SPA17: variants seen among roughly 807,000 people sequenced by gnomAD.
The protein encoded by SPA17 is sperm surface protein Sp17.
In SPA17, 7 loss-of-function variants were observed where a neutral mutation model predicts 13.8. That is an observed-to-expected ratio of 0.51 (90% CI 0.29 to 0.95). The LOEUF (loss-of-function observed/expected upper bound fraction) is 0.95, where lower values mean the gene tolerates loss of function less well. SPA17 is among the 40% of genes least tolerant of loss of function. The pLI is 0.08. For missense variants in SPA17, 170 were observed against 179.3 expected (o/e 0.95, Z 0.30); for synonymous variants, 61 against 59.0 (o/e 1.03, Z -0.16).
Position 124,694,675 on chromosome 11 carries a change from A to G in SPA17, c.*229A>G, listed in dbSNP as rs985677280. Reference sequence around the variant, plus strand: ...GTTTACACTTGTCTCAAGCCTATCTATAGAGACCCTTGGATTTAGAATTAT... The same window carrying G: ...GTTTACACTTGTCTCAAGCCTATCTGTAGAGACCCTTGGATTTAGAATTAT... On this transcript the variant is annotated 3_prime_UTR_variant, in exon 5 of 5. Transcript: ENST00000227135. 13 of 445,784 alleles carry G rather than the reference A, an allele frequency of 2.9e-5. No homozygotes were observed. Among genetic ancestry groups the G allele is most frequent in the Admixed American group, 4.2e-5 (1 of 24,038 alleles). The allele number at this position is 445,784 out of a possible 1,614,324, so 27.6% of individuals were successfully genotyped here.
rs1193362274 is a variant in SPA17 at position 124,696,090 on chromosome 11, C to T, written c.*1644C>T. On this transcript the variant is annotated 3_prime_UTR_variant, in exon 5 of 5. Transcript: ENST00000227135. Reference sequence around the variant, plus strand: ...CAGGCAGCCTTTCTCCTTCCAAAATCTTGCTGCCACTGTAGAGAGTTTCAT... The same window carrying T: ...CAGGCAGCCTTTCTCCTTCCAAAATTTTGCTGCCACTGTAGAGAGTTTCAT... The T allele has an allele frequency of 6.6e-6, 1 of 152,246 alleles. No homozygotes were observed. Among genetic ancestry groups the T allele is most frequent in the Non-Finnish European group, 1.5e-5 (1 of 68,066 alleles). 9.4% of individuals were successfully genotyped at this position (152,246 alleles called of 1,614,324 possible). A position where few individuals can be genotyped will look rare whatever the true frequency, so the allele number is the denominator to read the frequency against.
intron 2 of SPA17, among the ~76,000 whole-genome samples, chr11:124,681,109 C>T (rs1943524829): frequency 6.6e-6 from 1 of 151,982 alleles, no homozygotes; most frequent in African/African-American, 2.4e-5. Flanking sequence ...GGCATTTGTT[C>T]TTTTTCCCAT....
intron 3 of SPA17, among the ~76,000 whole-genome samples, chr11:124,686,405 T>C (rs1287861906): frequency 6.6e-6 from 1 of 152,184 alleles, no homozygotes; most frequent in Non-Finnish European, 1.5e-5. Context: ...ACTGATACAA[T>C]AGCATTGGAC....
intron 2 of SPA17, among the ~76,000 whole-genome samples, chr11:124,678,140 TG>T (rs1267743432): frequency 6.6e-6 from 1 of 152,242 alleles, no homozygotes; most frequent in Non-Finnish European, 1.5e-5. Context: ...CATCATTCTT[TG>T]TAGAAACAAC....
At chr11:124,691,527 TTTC>T (rs1206788303) in intron 3 of SPA17, among the ~76,000 whole-genome samples, 166 bp from the exon 4 acceptor site, 1 of 152,240 alleles carries the variant, frequency 6.6e-6, no homozygotes, top group Non-Finnish European at 1.5e-5. Flanking sequence ...GCTTTTATTA[TTTC>T]TTCTTGTTTC....
chr11:124,693,124 G>A (rs1943638946), intron 4 of SPA17, among the ~76,000 whole-genome samples: 1 of 152,194 alleles, frequency 6.6e-6, no homozygotes, highest in Admixed American at 6.5e-5. Flanking sequence ...AGGTTTTCAT[G>A]AGTTTGAGTA....
intron 3 of SPA17, among the ~76,000 whole-genome samples, chr11:124,685,810 G>A (rs994695952): frequency 1.3e-5 from 2 of 152,080 alleles, no homozygotes; most frequent in African/African-American, 2.4e-5. Context: ...GACTTACATG[G>A]GGCCTGTAGC....
chr11:124,681,900 C>T (rs984693794), intron 3 of SPA17, among the ~76,000 whole-genome samples: 4 of 152,064 alleles, frequency 2.6e-5, no homozygotes, highest in Admixed American at 6.5e-5. Context: ...GATGATATTT[C>T]GTAGACCAAA....
At chr11:124,684,796 C>T (rs538133342) in intron 3 of SPA17, among the ~76,000 whole-genome samples, 2 of 152,294 alleles carry the variant, frequency 1.3e-5, no homozygotes, top group South Asian at 2.1e-4. Context: ...AGATGAGGAA[C>T]TTGTTGAGAA....
intron 3 of SPA17, among the ~76,000 whole-genome samples, chr11:124,682,549 A>G (rs140335412): frequency 0.013 from 2,010 of 152,250 alleles, 25 homozygotes; most frequent in Non-Finnish European, 0.02. Context: ...TTTTATTTTT[A>G]AAAAAACCCT....
chr11:124,695,496 T>A lies in SPA17; in HGVS notation c.*1050T>A, dbSNP rs539900273. 4.2e-4 allele frequency: 64 copies of A among 152,302 alleles called. 1 individual carries two copies. Among genetic ancestry groups the A allele is most frequent in the African/African-American group, 1.5e-3 (63 of 41,562 alleles). 9.4% of individuals were successfully genotyped at this position (152,302 alleles called of 1,614,324 possible). A position where few individuals can be genotyped will look rare whatever the true frequency, so the allele number is the denominator to read the frequency against. ...TGCCTTAGTTTTAGAAAGTTCCGTC[T>A]CTCCTTTTTGAGGCCTCTCCACCCT... is the stretch of plus-strand genomic sequence containing the variant. On this transcript the variant is annotated 3_prime_UTR_variant, in exon 5 of 5. Coordinates refer to ENST00000227135, the MANE Select transcript of SPA17 (RefSeq NM_017425.4).
intron 4 of SPA17, 28 bp from the exon 5 acceptor site, chr11:124,694,275 T>C (rs766219072): frequency 6.2e-7 from 1 of 1,600,298 alleles, no homozygotes; most frequent in East Asian, 2.2e-5. Context: ...ATTTAAAGAG[T>C]CTCTTACTTT....
At chr11:124,675,439 C>A in intron 2 of SPA17, 21 bp downstream of exon 2, 2 of 1,599,952 alleles carry the variant, frequency 1.3e-6, no homozygotes, top group South Asian at 2.3e-5. Flanking sequence ...TAAAATTAGT[C>A]ATTTTTTAAA....
At chr11:124,693,017 A>C (rs1176557464) in intron 4 of SPA17, among the ~76,000 whole-genome samples, 2 of 152,208 alleles carry the variant, frequency 1.3e-5, no homozygotes, top group African/African-American at 4.8e-5. Flanking sequence ...ATAACATTAC[A>C]TTAGGATATA....
rs1386493025 is a variant in SPA17, at chr11:124,695,418, A to C, written c.*972A>C. On this transcript the variant is annotated 3_prime_UTR_variant, in exon 5 of 5. Coordinates refer to ENST00000227135, the MANE Select transcript of SPA17 (RefSeq NM_017425.4). Reference sequence around the variant, plus strand: ...ATACAATGGTAATGCCTGTTTAACAAACTCAGAGGCTTTATCTCTTTTATG... The same window carrying C: ...ATACAATGGTAATGCCTGTTTAACACACTCAGAGGCTTTATCTCTTTTATG... 3.9e-5 allele frequency: 6 copies of C among 152,212 alleles called. No individual in the cohort carries two copies. The highest frequency in any genetic ancestry group is 8.8e-5 in the Non-Finnish European group (6 of 68,034). The allele number at this position is 152,212 out of a possible 1,614,324, so 9.4% of individuals were successfully genotyped here.
Position 124,696,902 on chromosome 11 carries a change from T to G in SPA17, c.*2456T>G, listed in dbSNP as rs978893442. ...AACATATAAAAAATGAATCCTGATA[T>G]TGCCCCCAAATCTGAAACTTCCCCC... On this transcript the variant is annotated 3_prime_UTR_variant, in exon 5 of 5. Transcript: ENST00000227135. 2.0e-5 allele frequency: 3 copies of G among 152,184 alleles called. No individual in the cohort carries two copies. Among genetic ancestry groups the G allele is most frequent in the African/African-American group, 7.2e-5 (3 of 41,450 alleles). The allele number at this position is 152,184 out of a possible 1,614,324, so 9.4% of individuals were successfully genotyped here.
intron 2 of SPA17, among the ~76,000 whole-genome samples, chr11:124,679,855 A>G (rs1048817433): frequency 6.6e-6 from 1 of 152,234 alleles, no homozygotes; most frequent in Non-Finnish European, 1.5e-5. Flanking sequence ...ACAAATGTTT[A>G]ATAATTAGAG....
At chr11:124,686,110 C>G (rs748979094) in intron 3 of SPA17, among the ~76,000 whole-genome samples, 2 of 143,992 alleles carry the variant, frequency 1.4e-5, no homozygotes, top group Non-Finnish European at 3.0e-5. Context: ...GTGTCCTCAC[C>G]CAAATCTCAT....
chr11:124,678,516 CTGTGTGTGTGTGTG>C (rs60663679), intron 2 of SPA17, among the ~76,000 whole-genome samples: 33 of 143,262 alleles, frequency 2.3e-4, no homozygotes, highest in South Asian at 9.0e-4. Context: ...GAATACATAA[CTGTGTGTGTGTGTG>C]TGTGTGTGTG....
Sources: allele counts gnomAD v4.1 joint callset (sites outside exome capture counted in the v4.1 genomes callset), GRCh38; gene constraint gnomAD v4.1.1; transcripts MANE v1.5; gene names NCBI Gene and HGNC (gene_info 2026-07-23, HGNC 2026-07-21).